FRY: variants seen among roughly 807,000 people sequenced by gnomAD.
FRY encodes FRY microtubule binding protein.
A neutral mutation model predicts 348.4 loss-of-function variants in FRY; 128 were observed. The ratio of observed to expected loss-of-function variants is 0.37; its 90% CI spans 0.32 to 0.43. The LOEUF (loss-of-function observed/expected upper bound fraction) is 0.43. Ranked by LOEUF, FRY falls within the 20% of genes least tolerant of loss-of-function variation. The pLI is 1.00. For synonymous variants in FRY, 1,370 were observed against 1,374.7 expected (o/e 1.00, Z 0.08); for missense variants, 2,736 against 3,695.2 (o/e 0.74, Z 6.73).
intron 55 of FRY, among the ~76,000 whole-genome samples, chr13:32,273,602 G>T (rs1474815347): frequency 1.3e-5 from 2 of 152,150 alleles, no homozygotes; most frequent in Admixed American, 6.5e-5. Flanking sequence ...ACAGAATTAG[G>T]CTCAGTTGAG....
chr13:32,167,591 T>C (rs949784400), intron 17 of FRY, among the ~76,000 whole-genome samples: 1 of 152,198 alleles, frequency 6.6e-6, no homozygotes, highest in South Asian at 2.1e-4. Context: ...AAGGTCACAT[T>C]CTGAGGTACT....
At chr13:32,250,618 G>A (rs749213997) in intron 49 of FRY, among the ~76,000 whole-genome samples, 3 of 152,200 alleles carry the variant, frequency 2.0e-5, no homozygotes, top group Non-Finnish European at 2.9e-5. Flanking sequence ...CAGGACATGC[G>A]AGGGAGGCAT....
At chr13:32,266,680 C>T (rs1176286732) in intron 54 of FRY, among the ~76,000 whole-genome samples, 1 of 152,054 alleles carries the variant, frequency 6.6e-6, no homozygotes, top group Non-Finnish European at 1.5e-5. Context: ...TTCCTCGAAT[C>T]GTGAAAGAAT....
At chr13:32,041,566 A>G (rs1237610076) in intron 1 of FRY, among the ~76,000 whole-genome samples, 1 of 152,128 alleles carries the variant, frequency 6.6e-6, no homozygotes, top group African/African-American at 2.4e-5. Flanking sequence ...CCAGCCAGTC[A>G]TCTACTTTCT....
chr13:32,243,901 G>A (rs1886637606), intron 46 of FRY, 141 bp from the exon 47 acceptor site: 3 of 866,996 alleles, frequency 3.5e-6, no homozygotes, highest in African/African-American at 3.3e-5. Flanking sequence ...AGACTAGGCT[G>A]GGCAACATAG....
intron 51 of FRY, among the ~76,000 whole-genome samples, chr13:32,260,818 C>G (rs2138540627): frequency 6.7e-6 from 1 of 149,604 alleles, no homozygotes; most frequent in Non-Finnish European, 1.5e-5. Context: ...AAGACTCTGT[C>G]TCAAAAGAAA....
chr13:32,125,711 A>G (rs1235472075), intron 7 of FRY, among the ~76,000 whole-genome samples: 1 of 152,244 alleles, frequency 6.6e-6, no homozygotes, highest in African/African-American at 2.4e-5. Context: ...AGCACTTAGC[A>G]ATCTTACCTG....
At chr13:32,135,296 AGCTCCCTC>A in intron 10 of FRY, 113 bp downstream of exon 10, 1 of 715,504 alleles carries the variant, frequency 1.4e-6, no homozygotes. Context: ...AAGTACCTAA[AGCTCCCTC>A]AAAAAGAGGC....
chr13:32,180,296 G>A (rs1438173025), intron 23 of FRY, among the ~76,000 whole-genome samples: 5 of 151,506 alleles, frequency 3.3e-5, no homozygotes, highest in Non-Finnish European at 5.9e-5. Flanking sequence ...GTGCAGTGGC[G>A]CAATCTCAGC....
intron 52 of FRY, 34 bp from the exon 53 acceptor site, chr13:32,262,280 A>T (rs772497229): frequency 6.4e-7 from 1 of 1,572,346 alleles, no homozygotes; most frequent in Non-Finnish European, 8.8e-7. Flanking sequence ...TGGGAACTTC[A>T]TACTATGTTT....
intron 22 of FRY, among the ~76,000 whole-genome samples, 162 bp from the exon 23 acceptor site, chr13:32,179,503 TTGTGTGTGTG>T (rs10628771): frequency 3.8e-4 from 52 of 137,644 alleles, no homozygotes; most frequent in African/African-American, 1.1e-3. Flanking sequence ...TGTATTAAAT[TTGTGTGTGTG>T]TGTGTGTGTG....
At chr13:32,074,693 C>A (rs1874908906) in intron 1 of FRY, among the ~76,000 whole-genome samples, 1 of 152,154 alleles carries the variant, frequency 6.6e-6, no homozygotes, top group Non-Finnish European at 1.5e-5. Flanking sequence ...TCATTATATG[C>A]AAAAAATTTT....
chr13:32,239,757 T>G lies in FRY; in HGVS notation c.6563T>G (p.Val2188Gly). The change falls in exon 46 of 61, where the codon GTC (valine) becomes GGC (glycine). Residue 2188 changes from valine (V) to glycine (G), a missense_variant. Val to Gly is a moderately radical substitution (Grantham distance 109, BLOSUM62 -3). Transcript: ENST00000542859. The surrounding 1 kb of genome is among the most constrained non-coding windows in gnomAD (Gnocchi z 4.3). ...CCCAAACTTTCAAATCTTGCACATG[T>G]CATGACTCTTTATAAAACGCACAGC... Reference protein sequence around the residue: ...KNPKLSNLAHVMTLYKTHSYT... With the variant: ...KNPKLSNLAHGMTLYKTHSYT... 6.2e-7 allele frequency: 1 copy of G among 1,613,948 alleles called. No homozygotes were observed. The highest frequency in any genetic ancestry group is 8.5e-7 in the Non-Finnish European group (1 of 1,179,802).
intron 3 of FRY, among the ~76,000 whole-genome samples, chr13:32,109,707 A>C (rs1340220087): frequency 2.6e-5 from 4 of 152,064 alleles, no homozygotes; most frequent in Non-Finnish European, 4.4e-5. Flanking sequence ...CAAGCAGAGG[A>C]AACTATACTT....
intron 29 of FRY, 87 bp from the exon 30 acceptor site, chr13:32,201,854 A>C (rs760355910): frequency 8.6e-6 from 7 of 818,554 alleles, no homozygotes; most frequent in African/African-American, 3.3e-5. Context: ...CGAGGTCAGC[A>C]TGCCAGCTAG....
chr13:32,131,844 A>T lies in FRY; in HGVS notation c.885+4A>T. ...GGCCTCTCTTCAGTTTATGCAGGTA[A>T]TGTCTTAGGCAGGAGAGCTAAGGTG... On this transcript the variant is annotated splice_donor_region_variant and intron_variant, in intron 8 of 60. Transcript: ENST00000542859. 1.9e-6 allele frequency: 3 copies of T among 1,611,030 alleles called. No individual in the cohort carries two copies. The highest frequency in any genetic ancestry group is 2.5e-6 in the Non-Finnish European group (3 of 1,177,198).
Position 32,173,523 on chromosome 13 carries a change from T to C in FRY, c.2308T>C (p.Leu770=). ...SVLILKEIRA[L]FIALGQPEDD... The stretch of plus-strand genomic sequence containing the variant: ...TTTAATACTCAAGGAAATTCGAGCG[T>C]TGTTTATTGCCCTGGGGCAGCCTGA... The change falls in exon 19 of 61, where the codon TTG becomes CTG. Residue 770 remains leucine, a synonymous_variant. Transcript: ENST00000542859. The C allele has an allele frequency of 6.2e-7, 1 of 1,613,694 alleles. No homozygotes were observed. Among genetic ancestry groups the C allele is most frequent in the African/African-American group, 1.3e-5 (1 of 75,038 alleles).
At chr13:32,195,096 G>A (rs1237567271) in intron 29 of FRY, among the ~76,000 whole-genome samples, 1 of 152,206 alleles carries the variant, frequency 6.6e-6, no homozygotes, top group African/African-American at 2.4e-5. Flanking sequence ...TAGTAAAAGC[G>A]GTATTTTGGA....
chr13:32,247,152 A>G (rs1886851726), intron 47 of FRY, among the ~76,000 whole-genome samples, 171 bp from the exon 48 acceptor site: 2 of 152,112 alleles, frequency 1.3e-5, no homozygotes, highest in Non-Finnish European at 2.9e-5. Context: ...CTCCTTTTAT[A>G]TATACATTGT....
Sources: allele counts gnomAD v4.1 joint callset (sites outside exome capture counted in the v4.1 genomes callset), GRCh38; gene constraint gnomAD v4.1.1; non-coding constraint Gnocchi (gnomAD v3.1); transcripts MANE v1.5; gene names NCBI Gene and HGNC (gene_info 2026-07-23, HGNC 2026-07-21).